CEP95: variants seen among roughly 807,000 people sequenced by gnomAD.
CEP95 encodes the protein centrosomal protein of 95 kDa.
A neutral mutation model predicts 111.2 loss-of-function variants in CEP95; 98 were observed. That is an observed-to-expected ratio of 0.88 (90% CI 0.75 to 1.04). CEP95 has a LOEUF of 1.04. CEP95 is among the 50% of genes least tolerant of loss of function. The pLI is 0.00. For synonymous variants in CEP95, 323 were observed against 327.1 expected, an observed-to-expected ratio of 0.99 and a Z score of 0.14; for missense variants, 1,027 against 977.2, an observed-to-expected ratio of 1.05 and a Z score of -0.68.
In CEP95 at chr17:64,519,389, T is replaced by C; in HGVS notation, c.542T>C (p.Ile181Thr). The C allele has an allele frequency of 6.2e-7, 1 of 1,613,826 alleles. No individual in the cohort carries two copies. The change falls in exon 6 of 20, where the codon ATC (isoleucine) becomes ACC (threonine). Residue 181 changes from isoleucine to threonine, a missense_variant. Coordinates refer to ENST00000556440, the MANE Select transcript of CEP95 (RefSeq NM_138363.3). ...GATGAAGCAGAATCCACTGGTGAAA[T>C]CATTAGACTTGGAGACACAGCACAC... ...DGDEAESTGE[I>T]IRLGDTAHTF...
chr17:64,531,896 ATAT>A lies in CEP95; in HGVS notation c.1547_1549del (p.Ile516_Tyr517delinsAsn), dbSNP rs1223902724. ...TTTTATATCTGCTTCTAAGGAAAAAATATACAGAGGAGAAGCTGTTCGTAAAGG... is the reference window on the plus strand; with the variant it reads ...TTTTATATCTGCTTCTAAGGAAAAAAACAGAGGAGAAGCTGTTCGTAAAGG... On this transcript the variant is annotated inframe_deletion, in exon 14 of 20. Coordinates refer to ENST00000556440, the MANE Select transcript of CEP95 (RefSeq NM_138363.3). 1 of 1,568,042 alleles carries A rather than the reference ATAT, an allele frequency of 6.4e-7. No homozygotes were observed. Among genetic ancestry groups the A allele is most frequent in the Admixed American group, 2.1e-5 (1 of 47,444 alleles).
intron 5 of CEP95, among the ~76,000 whole-genome samples, chr17:64,517,621 G>A (rs1326760676): frequency 6.6e-6 from 1 of 150,952 alleles, no homozygotes; most frequent in Admixed American, 6.6e-5. Flanking sequence ...AGAGTTCACT[G>A]TAGCCTTGAA....
intron 9 of CEP95, 62 bp downstream of exon 9, chr17:64,525,944 G>A (rs1967783267): frequency 2.0e-6 from 3 of 1,471,706 alleles, no homozygotes; most frequent in Admixed American, 2.2e-5. Flanking sequence ...AAAATGCAGG[G>A]GCATGATCTC....
chr17:64,508,731 TA>T lies in CEP95; in HGVS notation c.148+15del. On this transcript the variant is annotated intron_variant, in intron 2 of 19. Transcript: ENST00000556440. Reference sequence around the variant, plus strand: ...GAGAAAAGGTACCAGGTAAGAATACTAAAAGCAGGAGTAATTTTGCCTATAT... The same window carrying T: ...GAGAAAAGGTACCAGGTAAGAATACTAAAGCAGGAGTAATTTTGCCTATAT... The T allele has an allele frequency of 7.4e-7, 1 of 1,354,934 alleles. No homozygotes were observed. The highest frequency in any genetic ancestry group is 9.6e-7 in the Non-Finnish European group (1 of 1,039,640). 83.9% of individuals were successfully genotyped at this position (1,354,934 alleles called of 1,614,324 possible). A position where few individuals can be genotyped will look rare whatever the true frequency, so the allele number is the denominator to read the frequency against.
chr17:64,511,446 G>A (rs2038889723), intron 3 of CEP95, among the ~76,000 whole-genome samples: 1 of 152,154 alleles, frequency 6.6e-6, no homozygotes, highest in African/African-American at 2.4e-5. Flanking sequence ...AGAATTCAGC[G>A]ATATTTCTCC....
chr17:64,534,487 C>G, intron 16 of CEP95, 98 bp from the exon 17 acceptor site: 1 of 1,131,046 alleles, frequency 8.8e-7, no homozygotes, highest in Non-Finnish European at 1.3e-6. Context: ...GACATACTGC[C>G]TGAAGACATC....
intron 14 of CEP95, chr17:64,532,306 T>A: frequency 8.9e-7 from 1 of 1,127,448 alleles, no homozygotes; most frequent in African/African-American, 1.6e-5. Context: ...TTTGACTGCC[T>A]TTTTGTCTAT....
intron 8 of CEP95, among the ~76,000 whole-genome samples, chr17:64,523,814 C>T (rs1333248626): frequency 1.3e-5 from 2 of 151,972 alleles, no homozygotes; most frequent in African/African-American, 2.4e-5. Flanking sequence ...GCAGGAGGAT[C>T]ACTTGAGCCC....
chr17:64,522,739 G>A lies in CEP95; in HGVS notation c.753G>A (p.Arg251=), dbSNP rs2144446691. 6.2e-7 allele frequency: 1 copy of A among 1,613,470 alleles called. No individual in the cohort carries two copies. Among genetic ancestry groups the A allele is most frequent in the Non-Finnish European group, 8.5e-7 (1 of 1,179,680 alleles). The change falls in exon 8 of 20, where the codon AGG becomes AGA. Residue 251 remains arginine, a synonymous_variant. Transcript: ENST00000556440. The part of the protein sequence containing the change: ...TLSVSGIPNA[R]KLGEPIRAAI... ...CTGTGAGTGGGATTCCAAATGCTAG[G>A]AAGCTAGGGGAGCCTATCCGAGCAG...
At chr17:64,510,106 C>T in intron 2 of CEP95, 67 bp from the exon 3 acceptor site, 1 of 828,350 alleles carries the variant, frequency 1.2e-6, no homozygotes, top group Non-Finnish European at 2.0e-6. Context: ...GTAGCCTAGT[C>T]AGAGACAATG....
intron 3 of CEP95, among the ~76,000 whole-genome samples, chr17:64,511,742 G>A (rs2038910857): frequency 6.6e-6 from 1 of 152,288 alleles, no homozygotes; most frequent in East Asian, 1.9e-4. Flanking sequence ...GGTATTGATT[G>A]GGGAAGTGAT....
intron 7 of CEP95, among the ~76,000 whole-genome samples, chr17:64,522,133 G>A (rs1431285821): frequency 6.6e-6 from 1 of 152,080 alleles, no homozygotes; most frequent in Non-Finnish European, 1.5e-5. Context: ...TTACAAGCGT[G>A]AGCTCCCGCA....
At chr17:64,529,509 T>A (rs1968111437) in intron 12 of CEP95, 82 bp downstream of exon 12, 2 of 1,390,894 alleles carry the variant, frequency 1.4e-6, no homozygotes, top group Non-Finnish European at 2.0e-6. Context: ...AACATGCTGT[T>A]GATTTAGGCT....
At position 64,513,563 on chromosome 17, in the gene CEP95, A is replaced by G. The variant is rs1267867690; in HGVS notation, c.257-685A>G. Among the ~76,000 whole-genome samples the G allele has an allele frequency of 3.3e-5, 5 of 152,194 alleles. No homozygotes were observed. The East Asian group carries it at 9.6e-4, about 29-fold the overall frequency. ...TTATGAATATGAAGTGGATATGGTA[A>G]GAGATGTAGCTGGAGACGCTGAAGA... On this transcript the variant is annotated intron_variant, in intron 3 of 19. Transcript: ENST00000556440.
chr17:64,510,481 G>A (rs1320628310), intron 3 of CEP95, among the ~76,000 whole-genome samples: 6 of 152,190 alleles, frequency 3.9e-5, no homozygotes, highest in Non-Finnish European at 5.9e-5. Flanking sequence ...TTTTGCAATT[G>A]ATCTGGGTCT....
At chr17:64,531,423 G>T (rs1231727534) in intron 13 of CEP95, among the ~76,000 whole-genome samples, 1 of 152,092 alleles carries the variant, frequency 6.6e-6, no homozygotes, top group Admixed American at 6.6e-5. Flanking sequence ...TCAAAAGAAT[G>T]GTTACAGAAA....
At chr17:64,513,107 C>T (rs1023121182) in intron 3 of CEP95, among the ~76,000 whole-genome samples, 2 of 152,072 alleles carry the variant, frequency 1.3e-5, no homozygotes, top group South Asian at 2.1e-4. Context: ...ATTTTTAAGC[C>T]GGAAAAACAC....
At chr17:64,506,854 G>A, upstream of CEP95, 1 of 614,586 alleles carries the variant, frequency 1.6e-6, no homozygotes, top group East Asian at 2.8e-5. Context: ...GTTTTGGTCG[G>A]CGGAGAATGG....
intron 14 of CEP95, 110 bp from the exon 15 acceptor site, chr17:64,532,726 GTTC>G (rs782515991): frequency 1.6e-4 from 237 of 1,464,154 alleles, no homozygotes; most frequent in Non-Finnish European, 2.0e-4. Flanking sequence ...ATTTAGAATT[GTTC>G]TTTTCAGGAT....
Sources: allele counts gnomAD v4.1 joint callset (sites outside exome capture counted in the v4.1 genomes callset), GRCh38; gene constraint gnomAD v4.1.1; transcripts MANE v1.5; gene names NCBI Gene and HGNC (gene_info 2026-07-23, HGNC 2026-07-21).